The following RAD17 variants were observed in gnomAD, a reference collection of about 807,000 sequenced individuals.
RAD17 encodes cell cycle checkpoint protein RAD17.
In RAD17, 31 loss-of-function variants were observed where a neutral mutation model predicts 81.5. The ratio of observed to expected loss-of-function variants is 0.38; its 90% CI spans 0.29 to 0.51. RAD17 has a LOEUF of 0.51. Among genes scored for constraint, RAD17 ranks in the 20% least tolerant of loss-of-function variants. The pLI, the probability that RAD17 is intolerant of heterozygous loss-of-function variation, is 0.88. For synonymous variants in RAD17, 261 were observed against 266.2 expected (o/e 0.98, Z 0.19); for missense variants, 681 against 781.2 (o/e 0.87, Z 1.53).
intron 15 of RAD17, among the ~76,000 whole-genome samples, chr5:69,394,003 T>C (rs1416640952): frequency 1.4e-5 from 2 of 147,840 alleles, no homozygotes; most frequent in African/African-American, 5.0e-5. Context: ...AATCCTGTCC[T>C]CTCTGCCTTC....
chr5:69,413,969 T>C (rs1173174414), intron 18 of RAD17, 62 bp from the exon 19 acceptor site: 4 of 1,556,300 alleles, frequency 2.6e-6, no homozygotes, highest in East Asian at 2.2e-5. Flanking sequence ...ATCACACTCA[T>C]GGTGTAATTT....
At chr5:69,388,241 A>C (rs1026052101) in intron 11 of RAD17, among the ~76,000 whole-genome samples, 1 of 149,442 alleles carries the variant, frequency 6.7e-6, no homozygotes, top group African/African-American at 2.6e-5. Context: ...TTTAAAAAAG[A>C]AGAAGAAGAA....
intron 12 of RAD17, among the ~76,000 whole-genome samples, chr5:69,390,063 AAGAT>A (rs1384221982): frequency 6.6e-6 from 1 of 152,230 alleles, no homozygotes; most frequent in Non-Finnish European, 1.5e-5. Flanking sequence ...ATGTAGTAAA[AAGAT>A]AGTTTCACTA....
chr5:69,397,364 A>G (rs571870906), intron 16 of RAD17, among the ~76,000 whole-genome samples: 16 of 144,618 alleles, frequency 1.1e-4, no homozygotes, highest in African/African-American at 3.1e-4. Context: ...CTGTTCTTGA[A>G]CTCCTGACCT....
chr5:69,394,672 T>C (rs1421530050), intron 15 of RAD17, among the ~76,000 whole-genome samples: 1 of 152,178 alleles, frequency 6.6e-6, no homozygotes, highest in Non-Finnish European at 1.5e-5. Flanking sequence ...GATGGCTACT[T>C]TATTGAACAG....
intron 6 of RAD17, among the ~76,000 whole-genome samples, chr5:69,377,419 ATG>A (rs1216916625): frequency 0.02 from 1,341 of 65,592 alleles, 47 homozygotes; most frequent in African/African-American, 0.076. Context: ...ACTTAGGTAT[ATG>A]TGTGTGTGTG....
At chr5:69,373,539 C>CA (rs1160866414) in intron 4 of RAD17, among the ~76,000 whole-genome samples, 8 of 151,850 alleles carry the variant, frequency 5.3e-5, no homozygotes, top group African/African-American at 9.7e-5. Flanking sequence ...CCCATCTCTA[C>CA]AAAAAATACA....
chr5:69,382,442 C>T (rs1763914217), intron 7 of RAD17, among the ~76,000 whole-genome samples: 1 of 152,026 alleles, frequency 6.6e-6, no homozygotes, highest in African/African-American at 2.4e-5. Context: ...GAGACATTGT[C>T]TCAAAAAATA....
intron 17 of RAD17, among the ~76,000 whole-genome samples, chr5:69,404,915 G>A (rs1404784966): frequency 6.6e-6 from 1 of 152,130 alleles, no homozygotes; most frequent in Non-Finnish European, 1.5e-5. Flanking sequence ...ATTCTAGCCT[G>A]GGGGACAGAG....
intron 18 of RAD17, among the ~76,000 whole-genome samples, chr5:69,412,616 C>T (rs998644709): frequency 6.6e-6 from 1 of 152,112 alleles, no homozygotes; most frequent in African/African-American, 2.4e-5. Context: ...TTTGTATCCA[C>T]TTACAGTGTA....
chr5:69,387,117 G>T (rs914547461), intron 11 of RAD17, among the ~76,000 whole-genome samples: 5 of 151,902 alleles, frequency 3.3e-5, no homozygotes, highest in African/African-American at 1.2e-4. Context: ...TAGAGACAGG[G>T]TCTCTCTGTG....
At chr5:69,371,650 T>C in intron 3 of RAD17, 93 bp downstream of exon 3, 1 of 615,320 alleles carries the variant, frequency 1.6e-6, no homozygotes, top group Non-Finnish European at 2.4e-6. Flanking sequence ...GCTATCAAAG[T>C]AATAGAGCCG....
At chr5:69,395,190 A>C (rs1161291671) in intron 15 of RAD17, among the ~76,000 whole-genome samples, 1 of 152,194 alleles carries the variant, frequency 6.6e-6, no homozygotes, top group Non-Finnish European at 1.5e-5. Flanking sequence ...TTATTTTGAA[A>C]TTTTCCATCC....
At chr5:69,399,900 T>C (rs1765150234) in intron 16 of RAD17, 149 bp from the exon 17 acceptor site, 4 of 445,274 alleles carry the variant, frequency 9.0e-6, no homozygotes, top group Non-Finnish European at 1.5e-5. Flanking sequence ...ACTACTTAAA[T>C]AAGCTATTAA....
At chr5:69,408,353 C>A (rs554148583) in intron 17 of RAD17, among the ~76,000 whole-genome samples, 1 of 152,114 alleles carries the variant, frequency 6.6e-6, no homozygotes, top group African/African-American at 2.4e-5. Context: ...CAACATGAAG[C>A]CTTCCTCCCT....
Position 69,397,985 on chromosome 5 carries a change from C to T in RAD17, c.1572+1439C>T, listed in dbSNP as rs556461502. Among the ~76,000 whole-genome samples the T allele has an allele frequency of 2.0e-4, 30 of 152,210 alleles. 1 individual carries two copies. The South Asian group carries it at 5.8e-3, about 29-fold the overall frequency. On this transcript the variant is annotated intron_variant, in intron 16 of 18. Coordinates refer to ENST00000354868, the MANE Select transcript of RAD17 (RefSeq NM_133338.3). ...AAAAAAACTTAGCCGGGTGTGGCGG[C>T]GTGCGCCTGTAGTCCCAACTACTCT...
At chr5:69,380,318 T>C (rs1270543824) in intron 6 of RAD17, among the ~76,000 whole-genome samples, 1 of 152,226 alleles carries the variant, frequency 6.6e-6, no homozygotes, top group Non-Finnish European at 1.5e-5. Context: ...GTTACACTTT[T>C]ATACAGCACA....
At chr5:69,371,251 C>T (rs191271177) in intron 2 of RAD17, 80 bp downstream of exon 2, 2 of 556,048 alleles carry the variant, frequency 3.6e-6, no homozygotes, top group African/African-American at 1.9e-5. Flanking sequence ...CTCTTAACAC[C>T]ACAAGTAGAT....
intron 4 of RAD17, among the ~76,000 whole-genome samples, 153 bp from the exon 5 acceptor site, chr5:69,373,677 C>G (rs931002064): frequency 1.2e-4 from 15 of 122,114 alleles, no homozygotes; most frequent in African/African-American, 4.7e-4. Flanking sequence ...GAGACCCGGT[C>G]TCAAAAAAAT....
Sources: gnomAD v4.1 joint callset for allele counts (sites outside exome capture counted in the v4.1 genomes callset) on GRCh38, gnomAD v4.1.1 for gene constraint, MANE v1.5 for transcripts, NCBI Gene and HGNC (gene_info 2026-07-23, HGNC 2026-07-21) for gene names.